The following ZNF423 variants were observed in gnomAD, a reference collection of about 807,000 sequenced individuals.
ZNF423 encodes zinc finger protein 423.
A neutral mutation model predicts 95.8 loss-of-function variants in ZNF423; 12 were observed. The observed-to-expected ratio is 0.13, with a 90% CI of 0.08 to 0.20. The LOEUF is 0.20. Among genes scored for constraint, ZNF423 ranks in the 10% least tolerant of loss-of-function variants. The pLI, the probability that ZNF423 is intolerant of heterozygous loss-of-function variation, is 1.00. For synonymous variants in ZNF423, 749 were observed against 711.9 expected (o/e 1.05, Z -0.83); for missense variants, 1,316 against 1,737.1 (o/e 0.76, Z 4.31).
intron 5 of ZNF423, among the ~76,000 whole-genome samples, chr16:49,572,005 T>C (rs1170690594): frequency 2.0e-5 from 3 of 152,234 alleles, no homozygotes; most frequent in Non-Finnish European, 4.4e-5. Flanking sequence ...CCAAGCACCG[T>C]GTGTACTAAG....
rs199705661 is a variant in ZNF423 at position 49,574,208 on chromosome 16, A to AC, written c.3602-48715dup. Among the ~76,000 whole-genome samples the AC allele has an allele frequency of 5.0e-3, 768 of 152,192 alleles. 5 individuals carry two copies. The highest frequency in any genetic ancestry group is 0.016 in the African/African-American group (652 of 41,528). On this transcript the variant is annotated intron_variant, in intron 5 of 7. Coordinates refer to ENST00000563137, the MANE Select transcript of ZNF423 (RefSeq NM_001379286.1). ...AGACCAGCCTGGGCCACATAGTGGGACCCGCTGTCTACACAAAATTTTAAA... is the reference window on the plus strand; with the variant it reads ...AGACCAGCCTGGGCCACATAGTGGGACCCCGCTGTCTACACAAAATTTTAAA...
rs369264910 is a variant in ZNF423 at position 49,786,605 on chromosome 16, C to T, written c.100+2882G>A. Among the ~76,000 whole-genome samples, 618 of 152,342 alleles carry T rather than the reference C, an allele frequency of 4.1e-3. 8 individuals carry two copies. Among genetic ancestry groups the T allele is most frequent in the African/African-American group, 0.014 (597 of 41,572 alleles). ...CTTGCCAGGGACCTTCCAGAAGTCC[C>T]CATAATGCCCTGCCTTCAGGTCCTG... On this transcript the variant is annotated intron_variant, in intron 2 of 7. Coordinates refer to ENST00000563137, the MANE Select transcript of ZNF423 (RefSeq NM_001379286.1).
intron 5 of ZNF423, among the ~76,000 whole-genome samples, chr16:49,527,808 T>G (rs567138653): frequency 1.3e-5 from 2 of 152,228 alleles, no homozygotes; most frequent in East Asian, 3.9e-4. Context: ...CCTATATGCA[T>G]GTACCCCCGC....
intron 2 of ZNF423, among the ~76,000 whole-genome samples, chr16:49,749,961 C>T (rs1169097618): frequency 6.6e-6 from 1 of 152,348 alleles, no homozygotes; most frequent in Admixed American, 6.5e-5. Flanking sequence ...GCCATCCACT[C>T]TCCCCACATC....
intron 5 of ZNF423, among the ~76,000 whole-genome samples, chr16:49,532,683 T>C (rs1007486997): frequency 3.3e-5 from 5 of 152,194 alleles, no homozygotes; most frequent in Admixed American, 6.5e-5. Flanking sequence ...GAGGGTTGCC[T>C]GAGGTCAGTT....
chr16:49,503,423 G>A (rs1158711137), intron 7 of ZNF423, among the ~76,000 whole-genome samples: 3 of 152,082 alleles, frequency 2.0e-5, no homozygotes, highest in Non-Finnish European at 4.4e-5. Flanking sequence ...CCATGGTCTG[G>A]TTCTTGCTGG....
chr16:49,655,803 C>G (rs2029870240), intron 3 of ZNF423, among the ~76,000 whole-genome samples: 1 of 152,234 alleles, frequency 6.6e-6, no homozygotes, highest in Non-Finnish European at 1.5e-5. Flanking sequence ...CCCAGAACAG[C>G]ATCCATCTCA....
Position 49,823,225 on chromosome 16 carries a change from T to C in ZNF423, c.40+32510A>G, listed in dbSNP as rs910919571. ...TGGCCTGCTGGTCGGCTGGCATCAC[T>C]ACCTGGACAGAAGCCTCACTTCTCC... is the stretch of plus-strand genomic sequence containing the variant. On this transcript the variant is annotated intron_variant, in intron 1 of 7. Transcript: ENST00000563137. Among the ~76,000 whole-genome samples the C allele has an allele frequency of 2.6e-5, 4 of 152,254 alleles. No individual in the cohort carries two copies. In the East Asian group the frequency reaches 7.7e-4, roughly 29 times the overall value.
rs1286324647 is a variant in ZNF423, at chr16:49,488,457, A to T, written c.*2818T>A. ...AAACTGACAATTTGTACATCTAAATACAGCAGCAATGAACCTTAGGCTTTC... is the reference window on the plus strand; with the variant it reads ...AAACTGACAATTTGTACATCTAAATTCAGCAGCAATGAACCTTAGGCTTTC... On this transcript the variant is annotated 3_prime_UTR_variant, in exon 8 of 8. Transcript: ENST00000563137. 6.6e-6 allele frequency: 1 copy of T among 152,272 alleles called. No homozygotes were observed. The highest frequency in any genetic ancestry group is 2.4e-5 in the African/African-American group (1 of 41,470). 9.4% of individuals were successfully genotyped at this position (152,272 alleles called of 1,614,324 possible).
At chr16:49,533,639 C>A (rs1220268595) in intron 5 of ZNF423, among the ~76,000 whole-genome samples, 2 of 152,192 alleles carry the variant, frequency 1.3e-5, no homozygotes, top group African/African-American at 4.8e-5. Flanking sequence ...AGCGGACGGC[C>A]CCCGACTAGC....
Position 49,652,373 on chromosome 16 carries a change from T to C in ZNF423, c.302-13499A>G, listed in dbSNP as rs537058402. Among the ~76,000 whole-genome samples, 30 of 149,332 alleles carry C rather than the reference T, an allele frequency of 2.0e-4. 1 individual carries two copies. In the South Asian group the frequency reaches 6.1e-3, roughly 30 times the overall value. ...AAGGGGAAAAAAAAAAAGCCAGTGCTCATCAGCTCACCCGAGAGCTGGCTG... is the reference window on the plus strand; with the variant it reads ...AAGGGGAAAAAAAAAAAGCCAGTGCCCATCAGCTCACCCGAGAGCTGGCTG... On this transcript the variant is annotated intron_variant, in intron 3 of 7. Transcript: ENST00000563137.
intron 1 of ZNF423, among the ~76,000 whole-genome samples, chr16:49,819,059 C>T (rs2034899598): frequency 6.6e-6 from 1 of 151,856 alleles, no homozygotes; most frequent in East Asian, 1.9e-4. Flanking sequence ...AGAGACCATC[C>T]TGGCCAAATG....
intron 4 of ZNF423, among the ~76,000 whole-genome samples, chr16:49,634,029 C>T (rs1972594916): frequency 6.6e-6 from 1 of 151,602 alleles, no homozygotes; most frequent in Non-Finnish European, 1.5e-5. Flanking sequence ...GCCTCAGCCT[C>T]GTGAGTATCT....
At chr16:49,566,539 G>A (rs1417409197) in intron 5 of ZNF423, among the ~76,000 whole-genome samples, 1 of 152,160 alleles carries the variant, frequency 6.6e-6, no homozygotes, top group African/African-American at 2.4e-5. Flanking sequence ...GCTGTGTGGT[G>A]GGGGAGGCCA....
intron 5 of ZNF423, among the ~76,000 whole-genome samples, chr16:49,581,862 G>C (rs117745801): frequency 6.6e-6 from 1 of 152,172 alleles, no homozygotes; most frequent in South Asian, 2.1e-4. Flanking sequence ...CTTAAAAAAC[G>C]GGACCTGCCA....
chr16:49,584,515 T>C (rs1340572444), intron 5 of ZNF423, among the ~76,000 whole-genome samples: 1 of 152,194 alleles, frequency 6.6e-6, no homozygotes, highest in South Asian at 2.1e-4. Context: ...GGGGCTGCCA[T>C]AATGAAGAAC....
At chr16:49,539,023 C>T (rs1969155591) in intron 5 of ZNF423, among the ~76,000 whole-genome samples, 1 of 152,182 alleles carries the variant, frequency 6.6e-6, no homozygotes, top group Non-Finnish European at 1.5e-5. Context: ...TAATAGTTTG[C>T]TGTGCACATG....
chr16:49,573,176 T>C (rs1366331206), intron 5 of ZNF423, among the ~76,000 whole-genome samples: 2 of 152,084 alleles, frequency 1.3e-5, no homozygotes, highest in Non-Finnish European at 2.9e-5. Context: ...AATGGATACA[T>C]GGATGGACCA....
chr16:49,491,013 T>A lies in ZNF423; in HGVS notation c.*262A>T. On this transcript the variant is annotated 3_prime_UTR_variant, in exon 8 of 8. Transcript: ENST00000563137. ...CTTAAAAAGCAGGTTTCTCTAACTC[T>A]AGAAATGTAGTCTGCGGCGGAAAGT... The A allele has an allele frequency of 2.0e-6, 1 of 495,718 alleles. No homozygotes were observed. Among genetic ancestry groups the A allele is most frequent in the Non-Finnish European group, 3.6e-6 (1 of 275,562 alleles). 30.7% of individuals were successfully genotyped at this position (495,718 alleles called of 1,614,324 possible). A position where few individuals can be genotyped will look rare whatever the true frequency, so the allele number is the denominator to read the frequency against.
Sources: gnomAD v4.1 joint callset for allele counts (sites outside exome capture counted in the v4.1 genomes callset) on GRCh38, gnomAD v4.1.1 for gene constraint, MANE v1.5 for transcripts, NCBI Gene and HGNC (gene_info 2026-07-23, HGNC 2026-07-21) for gene names.